Variants in SEMA6D observed in about 807,000 individuals in gnomAD.
SEMA6D encodes semaphorin 6D.
A neutral mutation model predicts 106.6 loss-of-function variants in SEMA6D; 35 were observed. The observed-to-expected ratio is 0.33, with a 90% CI of 0.25 to 0.44. The LOEUF is 0.44. Ranked by LOEUF, SEMA6D falls within the 20% of genes least tolerant of loss-of-function variation. The pLI is 1.00. For synonymous variants in SEMA6D, 499 were observed against 487.7 expected, an observed-to-expected ratio of 1.02 and a Z score of -0.31; for missense variants, 1,185 against 1,345.9, an observed-to-expected ratio of 0.88 and a Z score of 1.87.
At chr15:47,299,984 T>G (rs553899864) in intron 1 of SEMA6D, among the ~76,000 whole-genome samples, 110 of 152,350 alleles carry the variant, frequency 7.2e-4, no homozygotes, top group Non-Finnish European at 3.1e-4. Context: ...AGCTAATGAC[T>G]GTGGGGCGTA....
intron 1 of SEMA6D, among the ~76,000 whole-genome samples, chr15:47,376,960 A>T (rs1287008940): frequency 6.6e-6 from 1 of 152,170 alleles, no homozygotes; most frequent in Non-Finnish European, 1.5e-5. Context: ...TCCCAAACTG[A>T]TGCCTGATAA....
At chr15:47,237,084 A>G (rs1367907809) in intron 1 of SEMA6D, among the ~76,000 whole-genome samples, 1 of 152,172 alleles carries the variant, frequency 6.6e-6, no homozygotes, top group Non-Finnish European at 1.5e-5. Flanking sequence ...TATTAGAGTT[A>G]TTCAATGGCA....
intron 1 of SEMA6D, among the ~76,000 whole-genome samples, chr15:47,346,195 T>C (rs1236719253): frequency 6.6e-6 from 1 of 152,148 alleles, no homozygotes; most frequent in Non-Finnish European, 1.5e-5. Flanking sequence ...ATTGACAAAC[T>C]CATGGGTTAC....
In SEMA6D at chr15:47,503,673, GCTCT is replaced by G. The variant is rs561903309; in HGVS notation, c.-87+33139_-87+33142del. Among the ~76,000 whole-genome samples, 435 of 140,112 alleles carry G rather than the reference GCTCT, an allele frequency of 3.1e-3. 10 individuals carry two copies. The highest frequency in any genetic ancestry group is 0.029 in the Admixed American group (389 of 13,504). 91.9% of individuals were successfully genotyped at this position (140,112 alleles called of 152,430 possible). On this transcript the variant is annotated intron_variant, in intron 3 of 19. Coordinates refer to the SEMA6D transcript ENST00000558014. ...CTTGTGTCTGTGCACATGCAGGGGT[GCTCT>G]CTCTCTCTCTGTCACACACACACAC...
chr15:47,203,420 AC>A (rs1469864222), intron 1 of SEMA6D, among the ~76,000 whole-genome samples: 4 of 152,134 alleles, frequency 2.6e-5, no homozygotes, highest in Admixed American at 2.0e-4. Context: ...CACCACACCC[AC>A]GCAGATTTTT....
intron 1 of SEMA6D, among the ~76,000 whole-genome samples, chr15:47,378,952 G>A (rs281254): frequency 0.61 from 92,733 of 152,022 alleles, 30,154 homozygotes; most frequent in Non-Finnish European, 0.72. Context: ...CATACACTTC[G>A]TTTTCCCAGA....
intron 1 of SEMA6D, among the ~76,000 whole-genome samples, chr15:47,386,039 G>A (rs4528506): frequency 0.11 from 16,599 of 152,182 alleles, 1,034 homozygotes; most frequent in East Asian, 0.28. Context: ...CTCACAGAGT[G>A]TTTACAAGAA....
chr15:47,333,250 G>C (rs1275585956), intron 1 of SEMA6D, among the ~76,000 whole-genome samples: 1 of 152,148 alleles, frequency 6.6e-6, no homozygotes, highest in East Asian at 1.9e-4. Context: ...ACAATTTAAT[G>C]AGTGAATATT....
At chr15:47,556,324 A>G (rs1361080394) in intron 3 of SEMA6D, among the ~76,000 whole-genome samples, 1 of 152,086 alleles carries the variant, frequency 6.6e-6, no homozygotes, top group African/African-American at 2.4e-5. Flanking sequence ...TCTAGTTGTA[A>G]TCATAGCATG....
At chr15:47,412,287 A>G (rs573395366) in intron 1 of SEMA6D, 3 of 152,702 alleles carry the variant, frequency 2.0e-5, no homozygotes, top group East Asian at 1.9e-4. Context: ...TTAAAGCAGC[A>G]GCAGGCATTT....
At chr15:47,321,795 C>T (rs557857980) in intron 1 of SEMA6D, among the ~76,000 whole-genome samples, 1 of 152,208 alleles carries the variant, frequency 6.6e-6, no homozygotes, top group East Asian at 1.9e-4. Context: ...TGGCTACCTA[C>T]CATTTCAGTC....
chr15:47,241,262 G>A (rs1406872791), intron 1 of SEMA6D: 1 of 152,120 alleles, frequency 6.6e-6, no homozygotes, highest in Non-Finnish European at 1.5e-5. Context: ...GAACCACGGA[G>A]TGTTAAACTT....
intron 8 of SEMA6D, 30 bp from the exon 9 acceptor site, chr15:47,762,986 G>T: frequency 6.5e-7 from 1 of 1,542,100 alleles, no homozygotes; most frequent in South Asian, 1.1e-5. Flanking sequence ...TATCCTTTAG[G>T]AACCAGTTTG....
chr15:47,268,690 G>T (rs977979044), intron 1 of SEMA6D, among the ~76,000 whole-genome samples: 33 of 152,214 alleles, frequency 2.2e-4, no homozygotes, highest in African/African-American at 7.7e-4. Flanking sequence ...TCCCATGACT[G>T]CCCATGCAAC....
At chr15:47,484,492 T>C (rs1235735362) in intron 3 of SEMA6D, among the ~76,000 whole-genome samples, 1 of 152,194 alleles carries the variant, frequency 6.6e-6, no homozygotes, top group Admixed American at 6.5e-5. Flanking sequence ...GGTTATGGTT[T>C]TGATTAAACA....
At chr15:47,375,432 C>T (rs531982499) in intron 1 of SEMA6D, among the ~76,000 whole-genome samples, 1 of 152,282 alleles carries the variant, frequency 6.6e-6, no homozygotes, top group South Asian at 2.1e-4. Flanking sequence ...AAGTCTCCTC[C>T]TCCTTTCTCA....
chr15:47,762,345 G>A (rs773058000), intron 8 of SEMA6D, 26 bp downstream of exon 8: 25 of 1,610,478 alleles, frequency 1.6e-5, no homozygotes, highest in Non-Finnish European at 2.0e-5. Context: ...AGTGTCGTGG[G>A]GTCACCAGGA....
At chr15:47,636,639 C>T (rs2077393864) in intron 4 of SEMA6D, among the ~76,000 whole-genome samples, 1 of 152,156 alleles carries the variant, frequency 6.6e-6, no homozygotes, top group Admixed American at 6.5e-5. Context: ...TTCCACATCT[C>T]CTAACATCAC....
At chr15:47,575,759 G>A (rs989168797) in intron 3 of SEMA6D, among the ~76,000 whole-genome samples, 2 of 152,010 alleles carry the variant, frequency 1.3e-5, no homozygotes, top group African/African-American at 2.4e-5. Flanking sequence ...TGCTTTCACA[G>A]TAAGGGCTTT....
Sources: allele counts gnomAD v4.1 joint callset (sites outside exome capture counted in the v4.1 genomes callset), GRCh38; gene constraint gnomAD v4.1.1; transcripts MANE v1.5; gene names NCBI Gene and HGNC (gene_info 2026-07-23, HGNC 2026-07-21).